Variants in EEFSEC observed in about 807,000 individuals in gnomAD.
The protein encoded by EEFSEC is selenocysteine-specific elongation factor.
A neutral mutation model predicts 42.1 loss-of-function variants in EEFSEC; 43 were observed. That is an observed-to-expected ratio of 1.02 (90% confidence interval 0.80 to 1.32). The LOEUF is 1.32. Ranked by LOEUF, EEFSEC falls within the 40% of genes most tolerant of loss-of-function variation. EEFSEC has a pLI of 0.00. For synonymous variants in EEFSEC, 354 were observed against 339.1 expected (o/e 1.04, Z -0.48); for missense variants, 745 against 803.6 (o/e 0.93, Z 0.88).
At chr3:128,237,450 T>A (rs1231865439) in intron 1 of EEFSEC, among the ~76,000 whole-genome samples, 1 of 152,194 alleles carries the variant, frequency 6.6e-6, no homozygotes, top group Non-Finnish European at 1.5e-5. Context: ...ATGGTAGACA[T>A]CCAATTTTAT....
At chr3:128,267,217 A>G (rs2066363703) in intron 4 of EEFSEC, among the ~76,000 whole-genome samples, 1 of 152,116 alleles carries the variant, frequency 6.6e-6, no homozygotes, top group Non-Finnish European at 1.5e-5. Context: ...CAGTAGTGGT[A>G]AGGAGGCAGG....
At chr3:128,198,076 T>G (rs1197193826) in intron 1 of EEFSEC, among the ~76,000 whole-genome samples, 1 of 152,196 alleles carries the variant, frequency 6.6e-6, no homozygotes, top group African/African-American at 2.4e-5. Flanking sequence ...ACTTTCTGAA[T>G]GTACTGTGGC....
chr3:128,254,926 G>A (rs1306604182), intron 2 of EEFSEC, among the ~76,000 whole-genome samples: 1 of 152,182 alleles, frequency 6.6e-6, no homozygotes, highest in Admixed American at 6.5e-5. Context: ...TGAAAATCAG[G>A]ATGGATTGGA....
rs763373068 is a variant in EEFSEC at position 128,341,802 on chromosome 3, C to T, written c.1356C>T (p.His452=). 10 of 1,614,108 alleles carry T rather than the reference C, an allele frequency of 6.2e-6. No individual in the cohort carries two copies. Among genetic ancestry groups the T allele is most frequent in the Admixed American group, 1.7e-5 (1 of 60,028 alleles). The change falls in exon 5 of 7, where the codon CAC becomes CAT. Residue 452 remains histidine (H), a synonymous_variant. Coordinates refer to ENST00000254730, the MANE Select transcript of EEFSEC (RefSeq NM_021937.5). ...CRLAFHGILL[H]GLEDRNYADS... ...TAGCCTTCCATGGCATCCTGCTCCA[C>T]GGGCTAGAGGACAGGAACTACGCCG...
downstream of EEFSEC, among the ~76,000 whole-genome samples, chr3:128,409,453 C>T (rs1576714537): frequency 6.6e-6 from 1 of 152,278 alleles, no homozygotes; most frequent in Non-Finnish European, 1.5e-5. Context: ...GCAAAGCCCC[C>T]GAGCTGCAAG....
the EEFSEC span, among the ~76,000 whole-genome samples, chr3:128,422,844 T>G: frequency 6.6e-6 from 1 of 152,194 alleles, no homozygotes; most frequent in East Asian, 1.9e-4. Flanking sequence ...ACCAGAGCCT[T>G]CCTTCAGGTC....
At chr3:128,314,497 C>T (rs1000324281) in intron 4 of EEFSEC, among the ~76,000 whole-genome samples, 5 of 152,166 alleles carry the variant, frequency 3.3e-5, no homozygotes, top group Admixed American at 2.0e-4. Flanking sequence ...GTGTGCACCA[C>T]CACACCTGGC....
chr3:128,315,785 A>G (rs1364800616), intron 4 of EEFSEC, among the ~76,000 whole-genome samples: 1 of 152,232 alleles, frequency 6.6e-6, no homozygotes, highest in Non-Finnish European at 1.5e-5. Context: ...CCATAATTCT[A>G]GTGATAACTT....
At chr3:128,199,880 C>T (rs1265604281) in intron 1 of EEFSEC, among the ~76,000 whole-genome samples, 1 of 151,446 alleles carries the variant, frequency 6.6e-6, no homozygotes, top group Non-Finnish European at 1.5e-5. Context: ...ATTACAGGCG[C>T]ACGCCACCAC....
chr3:128,208,974 A>G (rs190252129), intron 1 of EEFSEC, among the ~76,000 whole-genome samples: 1 of 152,336 alleles, frequency 6.6e-6, no homozygotes, highest in African/African-American at 2.4e-5. Context: ...GGGAGGGAGG[A>G]AAGACTTCTC....
Position 128,330,484 on chromosome 3 carries a change from G to A in EEFSEC, c.787-10749G>A, listed in dbSNP as rs114462106. On this transcript the variant is annotated intron_variant, in intron 4 of 6. Transcript: ENST00000254730. ...CACTGGACAGATGCTAACAGGTTAC[G>A]GGGCTTAAGGAGCGTCCTGGTCTGC... Among the ~76,000 whole-genome samples the A allele has an allele frequency of 2.2e-3, 337 of 152,286 alleles. 1 individual carries two copies. Among genetic ancestry groups the A allele is most frequent in the African/African-American group, 7.3e-3 (305 of 41,550 alleles).
intron 1 of EEFSEC, among the ~76,000 whole-genome samples, chr3:128,157,900 G>C (rs1944407507): frequency 6.6e-6 from 1 of 152,152 alleles, no homozygotes; most frequent in African/African-American, 2.4e-5. Flanking sequence ...GGCCATAGCT[G>C]CCCAAGATAA....
intron 1 of EEFSEC, among the ~76,000 whole-genome samples, chr3:128,228,301 A>G (rs921162396): frequency 5.3e-5 from 8 of 152,124 alleles, no homozygotes; most frequent in Admixed American, 2.0e-4. Context: ...AGGGGCTGTC[A>G]CCTCCAGATG....
intron 6 of EEFSEC, among the ~76,000 whole-genome samples, chr3:128,360,598 A>G (rs2067512844): frequency 6.6e-6 from 1 of 152,046 alleles, no homozygotes; most frequent in Non-Finnish European, 1.5e-5. Flanking sequence ...AGGGCAGGCA[A>G]GAACCAAGAG....
intron 1 of EEFSEC, among the ~76,000 whole-genome samples, chr3:128,206,335 G>A (rs547899373): frequency 5.6e-4 from 86 of 152,306 alleles, no homozygotes; most frequent in African/African-American, 1.9e-3. Context: ...TTGCTTGGAG[G>A]CATTTGACCA....
At chr3:128,413,189 TG>T (rs998551917), downstream of EEFSEC, among the ~76,000 whole-genome samples, 1 of 152,080 alleles carries the variant, frequency 6.6e-6, no homozygotes, top group African/African-American at 2.4e-5. Context: ...AGCTGAGGCC[TG>T]GGAGGAAGAG....
At chr3:128,301,076 CA>C (rs113022674) in intron 4 of EEFSEC, among the ~76,000 whole-genome samples, 31 of 152,290 alleles carry the variant, frequency 2.0e-4, no homozygotes, top group African/African-American at 6.5e-4. Context: ...AAGAACCTAT[CA>C]GCACAAGTGG....
intron 1 of EEFSEC, among the ~76,000 whole-genome samples, chr3:128,246,471 T>C (rs542110417): frequency 3.5e-4 from 54 of 152,236 alleles, no homozygotes; most frequent in Admixed American, 2.4e-3. Flanking sequence ...CTTTTTTTTT[T>C]CCCCCTGCTG....
At chr3:128,398,198 T>TG (rs2068005638) in intron 6 of EEFSEC, among the ~76,000 whole-genome samples, 1 of 151,838 alleles carries the variant, frequency 6.6e-6, no homozygotes, top group African/African-American at 2.4e-5. Flanking sequence ...GGGCAGAGTG[T>TG]GGGGGGCCTT....
Sources: allele counts gnomAD v4.1 joint callset (sites outside exome capture counted in the v4.1 genomes callset), GRCh38; gene constraint gnomAD v4.1.1; transcripts MANE v1.5; gene names NCBI Gene and HGNC (gene_info 2026-07-23, HGNC 2026-07-21).